USH2A: variants seen among roughly 807,000 people sequenced by gnomAD.
The protein encoded by USH2A is usherin, also known as Usher syndrome 2A (autosomal recessive, mild).
In USH2A, 443 loss-of-function variants were observed where a neutral mutation model predicts 538.9. That is an observed-to-expected ratio of 0.82 (90% confidence interval 0.76 to 0.89). The LOEUF is 0.89. Among genes scored for constraint, USH2A ranks in the 40% least tolerant of loss-of-function variants. USH2A has a pLI of 0.00. For missense variants in USH2A, 6,633 were observed against 6,324.8 expected (o/e 1.05, Z -1.65); for synonymous variants, 2,413 against 2,273.5 (o/e 1.06, Z -1.75).
At chr1:215,812,585 T>C (rs1340945951) in intron 49 of USH2A, among the ~76,000 whole-genome samples, 2 of 152,168 alleles carry the variant, frequency 1.3e-5, no homozygotes, top group African/African-American at 4.8e-5. Context: ...AATTTCACCC[T>C]AAACTAGATA....
rs748465685 is a variant in USH2A at position 216,321,907 on chromosome 1, C to T, written c.1620G>A (p.Gln540=). 1.5e-5 allele frequency: 24 copies of T among 1,613,770 alleles called. No homozygotes were observed. Among genetic ancestry groups the T allele is most frequent in the Non-Finnish European group, 2.0e-5 (24 of 1,179,860 alleles). ...TSQPYRCLCS[Q]ESFTEGLHCD... ...CATGAAGTCCTTCAGTGAAGCTCTC[C>T]TGGGAGCAGAGGCATCTATATGGCT... Residue 540 remains glutamine (Q), a synonymous_variant, in exon 9 of 72, where the codon CAG becomes CAA. Transcript: ENST00000307340.
intron 58 of USH2A, 124 bp from the exon 59 acceptor site, chr1:215,743,459 TA>T (rs1660375186): frequency 2.2e-5 from 6 of 278,910 alleles, no homozygotes; most frequent in African/African-American, 1.4e-4. Context: ...TAAATATATA[TA>T]GACACACATA....
At chr1:215,756,938 AC>A (rs869296743) in intron 58 of USH2A, among the ~76,000 whole-genome samples, 1 of 149,472 alleles carries the variant, frequency 6.7e-6, no homozygotes, top group Non-Finnish European at 1.5e-5. Context: ...AAACAAACAA[AC>A]AAATAAATAA....
At chr1:216,224,209 G>A (rs1229467947) in intron 14 of USH2A, among the ~76,000 whole-genome samples, 1 of 152,260 alleles carries the variant, frequency 6.6e-6, no homozygotes, top group Admixed American at 6.5e-5. Flanking sequence ...CAGATGAACT[G>A]GAGCAGTCCT....
chr1:216,097,867 C>G (rs894026034), intron 21 of USH2A, among the ~76,000 whole-genome samples: 1 of 152,166 alleles, frequency 6.6e-6, no homozygotes, highest in Non-Finnish European at 1.5e-5. Context: ...GATGCCTTCT[C>G]CCTACCATTA....
intron 67 of USH2A, among the ~76,000 whole-genome samples, chr1:215,646,430 T>A (rs757808832): frequency 1.3e-4 from 19 of 151,368 alleles, no homozygotes; most frequent in Non-Finnish European, 2.5e-4. Flanking sequence ...AAAATCTAAG[T>A]TATAGTCATA....
intron 14 of USH2A, among the ~76,000 whole-genome samples, chr1:216,222,785 C>A (rs2035481774): frequency 6.6e-6 from 1 of 152,098 alleles, no homozygotes; most frequent in Non-Finnish European, 1.5e-5. Flanking sequence ...TTGAAACCAG[C>A]CTGACCAACA....
intron 4 of USH2A, among the ~76,000 whole-genome samples, chr1:216,334,574 C>T (rs2037933516): frequency 6.6e-6 from 1 of 151,838 alleles, no homozygotes; most frequent in Non-Finnish European, 1.5e-5. Flanking sequence ...TATAGGAGTT[C>T]TGCAAGAGAC....
chr1:215,782,691 TG>T, intron 53 of USH2A, 46 bp downstream of exon 53: 1 of 1,593,380 alleles, frequency 6.3e-7, no homozygotes, highest in Non-Finnish European at 8.6e-7. Context: ...AATTTTCTTA[TG>T]AATTTATGGG....
At chr1:216,147,918 G>A (rs1415333592) in intron 21 of USH2A, among the ~76,000 whole-genome samples, 160 of 140,538 alleles carry the variant, frequency 1.1e-3, no homozygotes, top group African/African-American at 4.2e-3. Context: ...CTGAAAATCG[G>A]ACTGTTCAAC....
At chr1:216,025,171 T>C (rs1668933838) in intron 32 of USH2A, among the ~76,000 whole-genome samples, 1 of 151,886 alleles carries the variant, frequency 6.6e-6, no homozygotes, top group Non-Finnish European at 1.5e-5. Context: ...ACATAGTAAG[T>C]CACATATGAA....
intron 32 of USH2A, among the ~76,000 whole-genome samples, chr1:216,007,817 T>G (rs1668443786): frequency 1.3e-5 from 2 of 152,190 alleles, no homozygotes; most frequent in Admixed American, 1.3e-4. Context: ...TTAGTAGAGG[T>G]GGGGGGACCC....
At chr1:215,719,712 T>C (rs1659596038) in intron 61 of USH2A, among the ~76,000 whole-genome samples, 1 of 152,200 alleles carries the variant, frequency 6.6e-6, no homozygotes, top group Admixed American at 6.5e-5. Context: ...AATTTATTAG[T>C]CATTGCAGCA....
At chr1:216,038,999 T>C (rs2030133542) in intron 32 of USH2A, among the ~76,000 whole-genome samples, 1 of 152,060 alleles carries the variant, frequency 6.6e-6, no homozygotes. Flanking sequence ...TGGGTACGGG[T>C]CTTAAAATGT....
intron 9 of USH2A, among the ~76,000 whole-genome samples, chr1:216,306,202 AT>A (rs1247567712): frequency 6.6e-6 from 1 of 151,142 alleles, no homozygotes; most frequent in Non-Finnish European, 1.5e-5. Flanking sequence ...GGCCTTGTTC[AT>A]TTAATTTTTT....
intron 9 of USH2A, among the ~76,000 whole-genome samples, chr1:216,299,034 G>A (rs1217027122): frequency 6.6e-6 from 1 of 151,972 alleles, no homozygotes; most frequent in African/African-American, 2.4e-5. Context: ...AGTAGAGACG[G>A]GGTTTCACCA....
intron 60 of USH2A, among the ~76,000 whole-genome samples, chr1:215,733,052 A>G (rs72740628): frequency 0.066 from 10,005 of 152,140 alleles, 385 homozygotes; most frequent in South Asian, 0.094. Flanking sequence ...TAGGGATTTA[A>G]CTGGCTCACA....
chr1:215,982,192 A>G (rs914248099), intron 35 of USH2A, among the ~76,000 whole-genome samples: 1 of 152,182 alleles, frequency 6.6e-6, no homozygotes, highest in Admixed American at 6.6e-5. Context: ...CTAAGCTTTC[A>G]TTTCTTGACC....
At chr1:215,792,811 C>T (rs1005994702) in intron 50 of USH2A, among the ~76,000 whole-genome samples, 17 of 152,198 alleles carry the variant, frequency 1.1e-4, no homozygotes, top group South Asian at 6.2e-4. Context: ...ACGGAATGCA[C>T]GATTTTAAAT....
Sources: allele counts gnomAD v4.1 joint callset (sites outside exome capture counted in the v4.1 genomes callset), GRCh38; gene constraint gnomAD v4.1.1; transcripts MANE v1.5; gene names NCBI Gene and HGNC (gene_info 2026-07-23, HGNC 2026-07-21).